The following PAQR5 variants were observed in gnomAD, a reference collection of about 807,000 sequenced individuals.
The protein encoded by PAQR5 is membrane progestin receptor gamma.
Under a neutral mutation model 34.5 loss-of-function variants are expected in PAQR5, and 20 were observed. The observed-to-expected ratio is 0.58, with a 90% CI of 0.41 to 0.84. PAQR5 has a LOEUF of 0.84. Ranked by LOEUF, PAQR5 falls within the 40% of genes least tolerant of loss-of-function variation. The probability of loss-of-function intolerance (pLI) is 0.00; values close to 1 mark genes in which losing one functional copy is unlikely to be tolerated. For missense variants in PAQR5, 378 were observed against 412.7 expected, an observed-to-expected ratio of 0.92 and a Z score of 0.73; for synonymous variants, 131 against 155.6, an observed-to-expected ratio of 0.84 and a Z score of 1.18.
At chr15:69,315,537 C>T (rs1459978966) in intron 1 of PAQR5, among the ~76,000 whole-genome samples, 1 of 151,956 alleles carries the variant, frequency 6.6e-6, no homozygotes, top group African/African-American at 2.4e-5. Flanking sequence ...CACTTTTCCA[C>T]CTTCTTACCC....
intron 1 of PAQR5, among the ~76,000 whole-genome samples, chr15:69,313,614 T>C (rs571382318): frequency 7.9e-5 from 12 of 151,918 alleles, no homozygotes; most frequent in Non-Finnish European, 1.3e-4. Flanking sequence ...GCAGACAGTA[T>C]GTCTAGAAAA....
intron 3 of PAQR5, among the ~76,000 whole-genome samples, chr15:69,370,288 C>A (rs2055523855): frequency 6.6e-6 from 1 of 152,188 alleles, no homozygotes; most frequent in Non-Finnish European, 1.5e-5. Flanking sequence ...CACTGAGCTG[C>A]AGTTTTCTTA....
At chr15:69,393,747 A>T (rs1408780460) in intron 6 of PAQR5, among the ~76,000 whole-genome samples, 1 of 152,104 alleles carries the variant, frequency 6.6e-6, no homozygotes, top group Non-Finnish European at 1.5e-5. Context: ...CTTGCCCGAA[A>T]ATCAGGGTTG....
chr15:69,299,529 G>A (rs1392141114), intron 1 of PAQR5, among the ~76,000 whole-genome samples: 1 of 152,208 alleles, frequency 6.6e-6, no homozygotes, highest in Non-Finnish European at 1.5e-5. Context: ...GGACCGTGTG[G>A]GTGAGGGGCG....
chr15:69,386,059 A>G (rs1010217120), intron 5 of PAQR5, among the ~76,000 whole-genome samples: 3 of 150,858 alleles, frequency 2.0e-5, no homozygotes, highest in Non-Finnish European at 3.0e-5. Flanking sequence ...GCACATACAC[A>G]TACTCTCAGA....
At chr15:69,387,023 T>G (rs921199260) in intron 5 of PAQR5, among the ~76,000 whole-genome samples, 2 of 148,344 alleles carry the variant, frequency 1.3e-5, no homozygotes, top group African/African-American at 4.9e-5. Flanking sequence ...GTGACTTCTC[T>G]CCTACCTGCT....
At chr15:69,354,880 C>G (rs935220944) in intron 2 of PAQR5, among the ~76,000 whole-genome samples, 4 of 152,148 alleles carry the variant, frequency 2.6e-5, no homozygotes, top group African/African-American at 9.7e-5. Context: ...CTCTTTTTCT[C>G]CTGGAGCTGG....
At chr15:69,306,448 G>C (rs961751531) in intron 1 of PAQR5, among the ~76,000 whole-genome samples, 4 of 110,074 alleles carry the variant, frequency 3.6e-5, no homozygotes, top group Non-Finnish European at 7.0e-5. Context: ...GTCTCGATCT[G>C]TTGCCCAGGC....
intron 1 of PAQR5, among the ~76,000 whole-genome samples, chr15:69,302,762 C>G (rs1379386535): frequency 6.6e-6 from 1 of 152,148 alleles, no homozygotes; most frequent in Non-Finnish European, 1.5e-5. Flanking sequence ...GGGGCTCAAG[C>G]CCGTGAACAA....
At chr15:69,330,876 A>G (rs1164354389) in intron 1 of PAQR5, among the ~76,000 whole-genome samples, 2 of 151,930 alleles carry the variant, frequency 1.3e-5, no homozygotes, top group Admixed American at 6.6e-5. Flanking sequence ...GGCACTTACA[A>G]ATTTGGTGGC....
chr15:69,318,179 A>G (rs2053998369), intron 1 of PAQR5, among the ~76,000 whole-genome samples: 1 of 152,238 alleles, frequency 6.6e-6, no homozygotes, highest in Non-Finnish European at 1.5e-5. Context: ...GAGCTGCAGC[A>G]GGGGCTCAGA....
intron 3 of PAQR5, among the ~76,000 whole-genome samples, chr15:69,368,202 A>G (rs2055454663): frequency 6.6e-6 from 1 of 151,934 alleles, no homozygotes. Context: ...ACGGGCATGC[A>G]CCACCACGCC....
At chr15:69,329,197 C>CA in intron 1 of PAQR5, among the ~76,000 whole-genome samples, 1 of 152,120 alleles carries the variant, frequency 6.6e-6, no homozygotes, top group Non-Finnish European at 1.5e-5. Flanking sequence ...TAGCCCTTGT[C>CA]CCCAGTGACA....
intron 1 of PAQR5, among the ~76,000 whole-genome samples, chr15:69,329,371 G>A (rs2140657663): frequency 6.6e-6 from 1 of 151,198 alleles, no homozygotes; most frequent in South Asian, 2.1e-4. Context: ...GGGGGATGAA[G>A]GGGAGAAAAA....
intron 6 of PAQR5, chr15:69,396,937 C>T (rs1422867146): frequency 3.2e-6 from 1 of 310,300 alleles, no homozygotes; most frequent in South Asian, 2.7e-5. Flanking sequence ...TTTCCCAAGC[C>T]AAGTATCCCT....
At chr15:69,393,323 G>A (rs1595936532) in intron 6 of PAQR5, among the ~76,000 whole-genome samples, 1 of 152,154 alleles carries the variant, frequency 6.6e-6, no homozygotes, top group Admixed American at 6.5e-5. Context: ...AAGCTGACTC[G>A]TGTGCAGAAG....
intron 8 of PAQR5, among the ~76,000 whole-genome samples, chr15:69,403,072 C>T (rs768836715): frequency 3.4e-4 from 52 of 152,250 alleles, no homozygotes; most frequent in Non-Finnish European, 7.1e-4. Flanking sequence ...TCCCTCAGCA[C>T]TGAAGTGAGA....
chr15:69,405,667 TAC>T lies in PAQR5; in HGVS notation c.*1847_*1848del, dbSNP rs1459462405. On this transcript the variant is annotated 3_prime_UTR_variant, in exon 9 of 9. Transcript: ENST00000395407. ...CCCCTTTCTAGTAATGCCAAAGACA[TAC>T]AGTGTTTTACATTCTCTCCTTTATA... 1 of 152,200 alleles carries T rather than the reference TAC, an allele frequency of 6.6e-6. No individual in the cohort carries two copies. Among genetic ancestry groups the T allele is most frequent in the Admixed American group, 6.5e-5 (1 of 15,290 alleles). The allele number at this position is 152,200 out of a possible 1,614,324, so 9.4% of individuals were successfully genotyped here.
rs1250136627 is a variant in PAQR5, at chr15:69,404,343, A to C, written c.*521A>C. ...TGGCAAAACATTCCAGAATGAAGAG[A>C]GCTGTCTGGGGAGAGCCCTTCTTCC... is the stretch of plus-strand genomic sequence containing the variant. On this transcript the variant is annotated 3_prime_UTR_variant, in exon 9 of 9. Coordinates refer to ENST00000395407, the MANE Select transcript of PAQR5 (RefSeq NM_017705.4). 6.4e-6 allele frequency: 1 copy of C among 155,300 alleles called. No homozygotes were observed. The highest frequency in any genetic ancestry group is 1.9e-4 in the East Asian group (1 of 5,290). 9.6% of individuals were successfully genotyped at this position (155,300 alleles called of 1,614,324 possible). A position where few individuals can be genotyped will look rare whatever the true frequency, so the allele number is the denominator to read the frequency against.
Sources: gnomAD v4.1 joint callset for allele counts (sites outside exome capture counted in the v4.1 genomes callset) on GRCh38, gnomAD v4.1.1 for gene constraint, MANE v1.5 for transcripts, NCBI Gene and HGNC (gene_info 2026-07-23, HGNC 2026-07-21) for gene names.